AP5Z1: variants seen among roughly 807,000 people sequenced by gnomAD.
AP5Z1 encodes the protein adaptor related protein complex 5 subunit zeta 1.
AP5Z1 carries 106 observed loss-of-function variants against 83.0 expected under a neutral mutation model. The ratio of observed to expected loss-of-function variants is 1.28; its 90% CI spans 1.09 to 1.50. The LOEUF (loss-of-function observed/expected upper bound fraction) is 1.50. Among genes scored for constraint, AP5Z1 ranks in the 40% most tolerant of loss-of-function variants. The probability of loss-of-function intolerance (pLI) is 0.00; values close to 1 mark genes in which losing one functional copy is unlikely to be tolerated. For missense variants in AP5Z1, 1,565 were observed against 1,094.2 expected (o/e 1.43, Z -6.07); for synonymous variants, 751 against 514.1 (o/e 1.46, Z -6.23).
At position 4,783,768 on chromosome 7, in the gene AP5Z1, C is replaced by A; in HGVS notation, c.591C>A (p.Gly197=). Residue 197 remains glycine (G), a synonymous_variant, in exon 5 of 17, where the codon GGC becomes GGA. Transcript: ENST00000649063. ...ASLQQGLPHS[G]GFFSTPRARQ... ...TCCAGCAAGGGCTCCCACACTCCGG[C>A]GGCTTCTTCTCCACGCCCAGGGCCC... is the stretch of plus-strand genomic sequence containing the variant. 3.2e-6 allele frequency: 5 copies of A among 1,550,302 alleles called. No individual in the cohort carries two copies. The highest frequency in any genetic ancestry group is 4.4e-6 in the Non-Finnish European group (5 of 1,147,216).
At chr7:4,781,509 G>C (rs1049532554) in intron 2 of AP5Z1, 59 bp from the exon 3 acceptor site, 2 of 1,572,830 alleles carry the variant, frequency 1.3e-6, no homozygotes, top group Non-Finnish European at 1.7e-6. Context: ...CTGGGGCACC[G>C]GGTGCTCCTG....
chr7:4,778,868 A>G (rs893091386), intron 1 of AP5Z1, among the ~76,000 whole-genome samples: 3 of 145,064 alleles, frequency 2.1e-5, no homozygotes, highest in African/African-American at 7.5e-5. Flanking sequence ...AATATTTTAT[A>G]TATAATCAAA....
intron 14 of AP5Z1, 109 bp from the exon 15 acceptor site, chr7:4,790,350 C>G: frequency 6.4e-7 from 1 of 1,570,236 alleles, no homozygotes; most frequent in East Asian, 2.4e-5. Context: ...GAGGGTGCAG[C>G]ATACACCTAC....
rs370914683 is a variant in AP5Z1, at chr7:4,788,867, G to A, written c.1623G>A (p.Gln541=). 26 of 1,609,360 alleles carry A rather than the reference G, an allele frequency of 1.6e-5. No homozygotes were observed. Among genetic ancestry groups the A allele is most frequent in the Non-Finnish European group, 2.0e-5 (24 of 1,178,660 alleles). ...TGGCGCCACTCCACCAGCTGCTGCA[G>A]CCCATGGCCGGCTGTGCCCGCGTGG... is the stretch of plus-strand genomic sequence containing the variant. ...ERLAPLHQLL[Q]PMAGCARVAQ... Residue 541 remains glutamine (Q), a synonymous_variant, in exon 13 of 17, where the codon CAG becomes CAA. Coordinates refer to ENST00000649063, the MANE Select transcript of AP5Z1 (RefSeq NM_014855.3).
At chr7:4,783,615 T>G in intron 4 of AP5Z1, 74 bp from the exon 5 acceptor site, 1 of 1,508,356 alleles carries the variant, frequency 6.6e-7, no homozygotes. Flanking sequence ...CTGAGAAAAG[T>G]CGGCCAGCAT....
rs1226389142 is a variant in AP5Z1, at chr7:4,778,765, A to G, written c.42-2410A>G. ...ATATATAACATTTTATATATTATAT[A>G]TTACATATATATTTAGTAATATATA... is the stretch of plus-strand genomic sequence containing the variant. On this transcript the variant is annotated intron_variant, in intron 1 of 16. Transcript: ENST00000649063. Among the ~76,000 whole-genome samples the G allele has an allele frequency of 4.1e-5, 6 of 146,472 alleles. No individual in the cohort carries two copies. In the East Asian group the frequency reaches 9.7e-4, roughly 24 times the overall value.
At chr7:4,783,565 G>A in intron 4 of AP5Z1, 105 bp downstream of exon 4, 1 of 1,544,012 alleles carries the variant, frequency 6.5e-7, no homozygotes, top group Non-Finnish European at 8.8e-7. Context: ...GGGGGACACG[G>A]GGAGGCCCGA....
chr7:4,782,375 C>T (rs1178515256), intron 3 of AP5Z1, among the ~76,000 whole-genome samples: 1 of 152,114 alleles, frequency 6.6e-6, no homozygotes, highest in Non-Finnish European at 1.5e-5. Context: ...GGGCACTCAG[C>T]GTGGGGATCC....
intron 1 of AP5Z1, among the ~76,000 whole-genome samples, 168 bp from the exon 2 acceptor site, chr7:4,781,007 C>G (rs753247520): frequency 6.6e-6 from 1 of 152,134 alleles, no homozygotes; most frequent in Non-Finnish European, 1.5e-5. Flanking sequence ...GGAACCAGCT[C>G]AGGGAATCAG....
intron 3 of AP5Z1, among the ~76,000 whole-genome samples, chr7:4,782,409 G>A (rs1309918791): frequency 1.3e-5 from 2 of 152,154 alleles, no homozygotes; most frequent in Admixed American, 1.3e-4. Context: ...CTGCCTTTGT[G>A]TGAGAGAAGC....
Position 4,781,654 on chromosome 7 carries a change from T to C in AP5Z1, c.266T>C (p.Ile89Thr). 6.2e-7 allele frequency: 1 copy of C among 1,605,888 alleles called. No homozygotes were observed. Among genetic ancestry groups the C allele is most frequent in the Non-Finnish European group, 8.5e-7 (1 of 1,174,184 alleles). The change falls in exon 3 of 17, where the codon ATC becomes ACC. Residue 89 changes from isoleucine to threonine, a missense_variant. Ile to Thr is a moderately conservative substitution (Grantham distance 89). Coordinates refer to ENST00000649063, the MANE Select transcript of AP5Z1 (RefSeq NM_014855.3). Reference sequence around the variant, plus strand: ...CAGCTCCAGGTGCTTTGCGCCGCCATCCTGCGAGAGATGTCCCCCTCTGAC... The same window carrying C: ...CAGCTCCAGGTGCTTTGCGCCGCCACCCTGCGAGAGATGTCCCCCTCTGAC... ...PEQLQVLCAAILREMSPSDSL... is the reference protein window; with the variant it reads ...PEQLQVLCAATLREMSPSDSL...
chr7:4,791,227 A>T lies in AP5Z1; in HGVS notation c.2266A>T (p.Thr756Ser), dbSNP rs1020726747. ...AIRTRATELL[T>S]LLKMPSVAQF... ...CCGTACCCGGGCCACAGAGCTGCTGACCCTGCTGAAGATGCCTAGCGTGGC... is the reference window on the plus strand; with the variant it reads ...CCGTACCCGGGCCACAGAGCTGCTGTCCCTGCTGAAGATGCCTAGCGTGGC... Residue 756 changes from threonine (T) to serine (S), a missense_variant, in exon 17 of 17, where the codon ACC (threonine) becomes TCC (serine). Transcript: ENST00000649063. 6.2e-7 allele frequency: 1 copy of T among 1,612,734 alleles called. No homozygotes were observed.
intron 1 of AP5Z1, among the ~76,000 whole-genome samples, chr7:4,776,068 A>G (rs1781217125): frequency 6.6e-6 from 1 of 152,186 alleles, no homozygotes; most frequent in South Asian, 2.1e-4. Context: ...CTGGCAGGAA[A>G]TCGGGCAGCC....
intron 13 of AP5Z1, 48 bp downstream of exon 13, chr7:4,788,999 A>AG (rs1781654742): frequency 2.6e-6 from 4 of 1,526,176 alleles, no homozygotes; most frequent in East Asian, 2.3e-5. Flanking sequence ...CTCACAACTG[A>AG]GGGGCAGGCC....
At chr7:4,789,082 T>C (rs1781657602) in intron 13 of AP5Z1, 131 bp downstream of exon 13, 1 of 792,274 alleles carries the variant, frequency 1.3e-6, no homozygotes, top group Admixed American at 2.4e-5. Context: ...CCACGGTCCC[T>C]GTGAGGGTCA....
At chr7:4,786,135 T>G (rs1199561175) in intron 9 of AP5Z1, 115 bp from the exon 10 acceptor site, 8 of 1,146,166 alleles carry the variant, frequency 7.0e-6, no homozygotes, top group Non-Finnish European at 9.5e-6. Flanking sequence ...GTAGGACGCC[T>G]CGGAGCCCTT....
rs778539799 is a variant in AP5Z1 at position 4,784,359 on chromosome 7, A to C, written c.778A>C (p.Thr260Pro). The change falls in exon 6 of 17, where the codon ACC becomes CCC. Residue 260 changes from threonine to proline, a missense_variant. Coordinates refer to ENST00000649063, the MANE Select transcript of AP5Z1 (RefSeq NM_014855.3). ...LLHSGPEGPGTLDTDDRSEQE... is the reference protein window; with the variant it reads ...LLHSGPEGPGPLDTDDRSEQE... ...GCACAGCGGCCCCGAGGGCCCGGGC[A>C]CCCTGGACACAGGTGTGCGGGGTGG... 1.8e-5 allele frequency: 28 copies of C among 1,557,144 alleles called. No individual in the cohort carries two copies. The highest frequency in any genetic ancestry group is 2.3e-5 in the Non-Finnish European group (27 of 1,152,204).
chr7:4,787,720 G>A lies in AP5Z1; in HGVS notation c.1398G>A (p.Met466Ile), dbSNP rs1781594986. 2 of 1,548,830 alleles carry A rather than the reference G, an allele frequency of 1.3e-6. No homozygotes were observed. The highest frequency in any genetic ancestry group is 2.4e-5 in the South Asian group (2 of 84,234). ...ALVDAGTALE[M>I]LHALLDLPCL... ...TGGACGCTGGCACAGCCCTGGAGAT[G>A]CTGCACGCGCTGCTGGACCTGCCCT... The change falls in exon 11 of 17, where the codon ATG becomes ATA. Residue 466 changes from methionine to isoleucine, a missense_variant. Physicochemically the swap from Met to Ile is conservative, Grantham distance 10. Coordinates refer to ENST00000649063, the MANE Select transcript of AP5Z1 (RefSeq NM_014855.3).
chr7:4,789,156 G>C (rs1781660323), intron 13 of AP5Z1: 1 of 531,744 alleles, frequency 1.9e-6, no homozygotes, highest in African/African-American at 2.0e-5. Context: ...ATTCCAGCAG[G>C]CCCCGTTCCC....
Sources: gnomAD v4.1 joint callset for allele counts (sites outside exome capture counted in the v4.1 genomes callset) on GRCh38, gnomAD v4.1.1 for gene constraint, MANE v1.5 for transcripts, NCBI Gene and HGNC (gene_info 2026-07-23, HGNC 2026-07-21) for gene names.